Variants in SPEM3 observed in about 807,000 individuals in gnomAD.
The protein encoded by SPEM3 is SPEM family member 3.
chr17:7,432,800 G>T lies in SPEM3; in HGVS notation c.*38G>T. The T allele has an allele frequency of 2.5e-6, 1 of 398,368 alleles. No individual in the cohort carries two copies. Among genetic ancestry groups the T allele is most frequent in the South Asian group, 1.3e-4 (1 of 7,576 alleles). The allele number at this position is 398,368 out of a possible 1,614,324, so 24.7% of individuals were successfully genotyped here. On this transcript the variant is annotated 3_prime_UTR_variant, in exon 3 of 3. Coordinates refer to ENST00000636696, the MANE Select transcript of SPEM3 (RefSeq NM_001364708.1). This position sits in a 1 kb window ranked among gnomAD's most constrained non-coding sequence, Gnocchi z 4.1. ...ACAAAGAGGGGACAAAAGTGCATCA[G>T]GAATAAAGAGGCGAGAGAAATGTTC...
In SPEM3 at chr17:7,432,260, A is replaced by G. The variant is rs1006939899; in HGVS notation, c.3089A>G (p.Asp1030Gly). The stretch of plus-strand genomic sequence containing the variant: ...AACCCAAGCCCTGCCCTAGGTTCTG[A>G]TTTTGTCCAGCTTTTGTCCCTGCTT... ...YKNPSPALGSDFVQLLSLLQT... is the reference protein window; with the variant it reads ...YKNPSPALGSGFVQLLSLLQT... The change falls in exon 3 of 3, where the codon GAT becomes GGT. Residue 1030 changes from aspartate (D) to glycine (G), a missense_variant. By Grantham distance (94) the Asp-to-Gly change is moderately conservative. Coordinates refer to ENST00000636696, the MANE Select transcript of SPEM3 (RefSeq NM_001364708.1). This position sits in a 1 kb window ranked among gnomAD's most constrained non-coding sequence, Gnocchi z 4.1. 2.8e-5 allele frequency: 11 copies of G among 398,542 alleles called. No individual in the cohort carries two copies. The highest frequency in any genetic ancestry group is 4.4e-5 in the Non-Finnish European group (10 of 226,170). 24.7% of individuals were successfully genotyped at this position (398,542 alleles called of 1,614,324 possible). A position where few individuals can be genotyped will look rare whatever the true frequency, so the allele number is the denominator to read the frequency against.
Position 7,429,501 on chromosome 17 carries a change from CT to C in SPEM3, c.331del (p.Trp111GlyfsTer38), listed in dbSNP as rs1907757528. ...TCAGGCGCGTTAACCACCTTGACTC[CT>C]GGATACCAGACACGAACGATGAGAA... ...LLRRVNHLDS[W>X]IPDTNDEKVS... On this transcript the variant is annotated frameshift_variant, in exon 3 of 3. Coordinates refer to ENST00000636696, the MANE Select transcript of SPEM3 (RefSeq NM_001364708.1). LOFTEE classifies it low-confidence loss of function (END_TRUNC). This position sits in a 1 kb window ranked among gnomAD's most constrained non-coding sequence, Gnocchi z 4.9. 7 of 398,666 alleles carry C rather than the reference CT, an allele frequency of 1.8e-5. No individual in the cohort carries two copies. The East Asian group carries it at 2.5e-4, about 14-fold the overall frequency. 24.7% of individuals were successfully genotyped at this position (398,666 alleles called of 1,614,324 possible). A position where few individuals can be genotyped will look rare whatever the true frequency, so the allele number is the denominator to read the frequency against.
In SPEM3 at chr17:7,431,515, C is replaced by T. The variant is rs1907832700; in HGVS notation, c.2344C>T (p.Leu782Phe). The change falls in exon 3 of 3, where the codon CTC becomes TTC. Residue 782 changes from leucine to phenylalanine, a missense_variant. Leu to Phe is a conservative substitution (Grantham distance 22). Transcript: ENST00000636696. ...CCCATGTCTCACCCAATCCCCTGGC[C>T]TCCACAAGAAAACACCATTTACCCA... ...RSPCLTQSPGLHKKTPFTQTS... is the reference protein window; with the variant it reads ...RSPCLTQSPGFHKKTPFTQTS... The T allele has an allele frequency of 7.5e-6, 3 of 398,468 alleles. No homozygotes were observed. The highest frequency in any genetic ancestry group is 8.8e-6 in the Non-Finnish European group (2 of 226,076). 24.7% of individuals were successfully genotyped at this position (398,468 alleles called of 1,614,324 possible). A position where few individuals can be genotyped will look rare whatever the true frequency, so the allele number is the denominator to read the frequency against.
At position 7,432,279 on chromosome 17, in the gene SPEM3, C is replaced by T. The variant is rs117713262; in HGVS notation, c.3108C>T (p.Ser1036=). The T allele has an allele frequency of 0.015, 5,913 of 398,742 alleles. 78 individuals carry two copies. Among genetic ancestry groups the T allele is most frequent in the Non-Finnish European group, 0.017 (3,748 of 226,176 alleles). 24.7% of individuals were successfully genotyped at this position (398,742 alleles called of 1,614,324 possible). ...GTTCTGATTTTGTCCAGCTTTTGTC[C>T]CTGCTTCAGACCCCAAAGTCCACAC... The part of the protein sequence containing the change: ...ALGSDFVQLL[S]LLQTPKSTLS... Residue 1036 remains serine, a synonymous_variant, in exon 3 of 3, where the codon TCC becomes TCT. Transcript: ENST00000636696. This position sits in a 1 kb window ranked among gnomAD's most constrained non-coding sequence, Gnocchi z 4.1.
rs529514144 is a variant in SPEM3, at chr17:7,429,622, G to C, written c.451G>C (p.Gly151Arg). 1.5e-3 allele frequency: 609 copies of C among 398,756 alleles called. 8 individuals carry two copies. Among genetic ancestry groups the C allele is most frequent in the African/African-American group, 0.011 (552 of 48,648 alleles). 24.7% of individuals were successfully genotyped at this position (398,756 alleles called of 1,614,324 possible). A position where few individuals can be genotyped will look rare whatever the true frequency, so the allele number is the denominator to read the frequency against. ...ACTGTACAAGGCGGGGATGATGGGC[G>C]GGGGAGAAGCCCCTCAGGTCACAGC... is the stretch of plus-strand genomic sequence containing the variant. ...RGLYKAGMMGGGEAPQVTASK... is the reference protein window; with the variant it reads ...RGLYKAGMMGRGEAPQVTASK... The change falls in exon 3 of 3, where the codon GGG (glycine) becomes CGG (arginine). Residue 151 changes from glycine to arginine, a missense_variant. Coordinates refer to ENST00000636696, the MANE Select transcript of SPEM3 (RefSeq NM_001364708.1). The surrounding 1 kb of genome is among the most constrained non-coding windows in gnomAD (Gnocchi z 4.9).
In SPEM3 at chr17:7,431,856, C is replaced by A. The variant is rs776553822; in HGVS notation, c.2685C>A (p.Gly895=). Reference sequence around the variant, plus strand: ...AATCTTTTCTCCACAAGAGCCCAGGCCTTGTCCAAACCTCTGGCCTCCCAA... The same window carrying A: ...AATCTTTTCTCCACAAGAGCCCAGGACTTGTCCAAACCTCTGGCCTCCCAA... ...IQESFLHKSP[G]LVQTSGLPKC... is the part of the protein sequence containing the mutation. The change falls in exon 3 of 3, where the codon GGC becomes GGA. Residue 895 remains glycine, a synonymous_variant. Coordinates refer to ENST00000636696, the MANE Select transcript of SPEM3 (RefSeq NM_001364708.1). The A allele has an allele frequency of 1.5e-5, 6 of 398,502 alleles. No individual in the cohort carries two copies. Among genetic ancestry groups the A allele is most frequent in the Non-Finnish European group, 2.2e-5 (5 of 226,090 alleles). The allele number at this position is 398,502 out of a possible 1,614,324, so 24.7% of individuals were successfully genotyped here.
Position 7,432,157 on chromosome 17 carries a change from C to T in SPEM3, c.2986C>T (p.Pro996Ser), listed in dbSNP as rs1907851594. 2.5e-6 allele frequency: 1 copy of T among 398,662 alleles called. No individual in the cohort carries two copies. The highest frequency in any genetic ancestry group is 4.4e-6 in the Non-Finnish European group (1 of 226,092). 24.7% of individuals were successfully genotyped at this position (398,662 alleles called of 1,614,324 possible). Residue 996 changes from proline (P) to serine (S), a missense_variant, in exon 3 of 3, where the codon CCC becomes TCC. Physicochemically the swap from Pro to Ser is moderately conservative, Grantham distance 74. Coordinates refer to ENST00000636696, the MANE Select transcript of SPEM3 (RefSeq NM_001364708.1). This position sits in a 1 kb window ranked among gnomAD's most constrained non-coding sequence, Gnocchi z 4.1. Reference sequence around the variant, plus strand: ...AGCCCTTGTCCAAGACTCTGGCCTCCCCAAGATTTCAGGCCTTACCCAGGA... The same window carrying T: ...AGCCCTTGTCCAAGACTCTGGCCTCTCCAAGATTTCAGGCCTTACCCAGGA... ...DPALVQDSGLPKISGLTQESG... is the reference protein window; with the variant it reads ...DPALVQDSGLSKISGLTQESG...
chr17:7,430,173 T>C lies in SPEM3; in HGVS notation c.1002T>C (p.Ala334=). The C allele has an allele frequency of 2.5e-6, 1 of 407,170 alleles. No homozygotes were observed. Among genetic ancestry groups the C allele is most frequent in the Non-Finnish European group, 4.3e-6 (1 of 233,500 alleles). The allele number at this position is 407,170 out of a possible 1,614,324, so 25.2% of individuals were successfully genotyped here. ...CCTCAGCCCACTCCCCAGCCCAGGC[T>C]CCTATGCCTGTCCCAGCCCACCCCC... The part of the protein sequence containing the change: ...EHTSAHSPAQ[A]PMPVPAHPQA... The change falls in exon 3 of 3, where the codon GCT becomes GCC. Residue 334 remains alanine (A), a synonymous_variant. Transcript: ENST00000636696.
In SPEM3 at chr17:7,431,661, C is replaced by T. The variant is rs1907836327; in HGVS notation, c.2490C>T (p.His830=). The T allele has an allele frequency of 7.5e-6, 3 of 398,588 alleles. No homozygotes were observed. Among genetic ancestry groups the T allele is most frequent in the Non-Finnish European group, 1.3e-5 (3 of 226,060 alleles). The allele number at this position is 398,588 out of a possible 1,614,324, so 24.7% of individuals were successfully genotyped here. A position where few individuals can be genotyped will look rare whatever the true frequency, so the allele number is the denominator to read the frequency against. The change falls in exon 3 of 3, where the codon CAC becomes CAT. Residue 830 remains histidine, a synonymous_variant. Coordinates refer to ENST00000636696, the MANE Select transcript of SPEM3 (RefSeq NM_001364708.1). Reference sequence around the variant, plus strand: ...AAGATCTCTCCCAAGCAACTGACCACCAAAAGAACCTAGGCTCTTCTAAAG... The same window carrying T: ...AAGATCTCTCCCAAGCAACTGACCATCAAAAGAACCTAGGCTCTTCTAAAG... ...KNQDLSQATD[H]QKNLGSSKDS... is the part of the protein sequence containing the mutation.
rs972850647 is a variant in SPEM3 at position 7,428,922 on chromosome 17, A to C, written c.20A>C (p.His7Pro). Residue 7 changes from histidine to proline, a missense_variant, in exon 1 of 3, where the codon CAT becomes CCT. His to Pro is a moderately conservative substitution (Grantham distance 77). Coordinates refer to ENST00000636696, the MANE Select transcript of SPEM3 (RefSeq NM_001364708.1). ...CAGGCCATGGGTGAGCGAGCCTATCATGGGGCCCAGGTGTGCTCTGGCACC... is the reference window on the plus strand; with the variant it reads ...CAGGCCATGGGTGAGCGAGCCTATCCTGGGGCCCAGGTGTGCTCTGGCACC... MGERAY[H>P]GAQVCSGTNP... 1.4e-4 allele frequency: 55 copies of C among 398,594 alleles called. No individual in the cohort carries two copies. Among genetic ancestry groups the C allele is most frequent in the Non-Finnish European group, 1.5e-4 (33 of 226,092 alleles). The allele number at this position is 398,594 out of a possible 1,614,324, so 24.7% of individuals were successfully genotyped here.
rs993801876 is a variant in SPEM3, at chr17:7,429,408, C to T, written c.237C>T (p.Ser79=). 3.3e-5 allele frequency: 13 copies of T among 398,514 alleles called. 1 individual carries two copies. The highest frequency in any genetic ancestry group is 2.6e-4 in the Admixed American group (6 of 22,712). The allele number at this position is 398,514 out of a possible 1,614,324, so 24.7% of individuals were successfully genotyped here. The change falls in exon 3 of 3, where the codon TCC becomes TCT. Residue 79 remains serine (S), a synonymous_variant. Transcript: ENST00000636696. The surrounding 1 kb of genome is among the most constrained non-coding windows in gnomAD (Gnocchi z 4.9). ...PSGSHPICIC[S]SVDPKNLCSK... ...GCAGCCATCCCATATGTATTTGCTC[C>T]TCCGTGGATCCCAAGAACCTGTGCT...
At position 7,429,980 on chromosome 17, in the gene SPEM3, C is replaced by T; in HGVS notation, c.809C>T (p.Ala270Val). The change falls in exon 3 of 3, where the codon GCC becomes GTC. Residue 270 changes from alanine (A) to valine (V), a missense_variant. By Grantham distance (64) the Ala-to-Val change is moderately conservative. Transcript: ENST00000636696. The surrounding 1 kb of genome is among the most constrained non-coding windows in gnomAD (Gnocchi z 4.9). ...TSAQAQAHTS[A>V]PTPAQTPAHI... ...GCCCAGGCCCAAGCCCACACCTCAG[C>T]CCCTACCCCAGCTCAGACGCCAGCC... is the stretch of plus-strand genomic sequence containing the variant. The T allele has an allele frequency of 2.4e-6, 1 of 423,826 alleles. No individual in the cohort carries two copies. The highest frequency in any genetic ancestry group is 3.5e-5 in the East Asian group (1 of 28,322). 26.3% of individuals were successfully genotyped at this position (423,826 alleles called of 1,614,324 possible).
Position 7,432,801 on chromosome 17 carries a change from G to A in SPEM3, c.*39G>A. 2.5e-6 allele frequency: 1 copy of A among 398,364 alleles called. No individual in the cohort carries two copies. The highest frequency in any genetic ancestry group is 4.4e-6 in the Non-Finnish European group (1 of 226,082). 24.7% of individuals were successfully genotyped at this position (398,364 alleles called of 1,614,324 possible). The stretch of plus-strand genomic sequence containing the variant: ...CAAAGAGGGGACAAAAGTGCATCAG[G>A]AATAAAGAGGCGAGAGAAATGTTCT... On this transcript the variant is annotated 3_prime_UTR_variant, in exon 3 of 3. Coordinates refer to ENST00000636696, the MANE Select transcript of SPEM3 (RefSeq NM_001364708.1). This position sits in a 1 kb window ranked among gnomAD's most constrained non-coding sequence, Gnocchi z 4.1.
At position 7,431,950 on chromosome 17, in the gene SPEM3, C is replaced by T; in HGVS notation, c.2779C>T (p.His927Tyr). Residue 927 changes from histidine (H) to tyrosine (Y), a missense_variant, in exon 3 of 3, where the codon CAC becomes TAC. His to Tyr is a moderately conservative substitution (Grantham distance 83). Coordinates refer to ENST00000636696, the MANE Select transcript of SPEM3 (RefSeq NM_001364708.1). ...NPGLIQDCGG[H>Y]KVKGLTQDSN... ...AGGACTTATCCAAGATTGTGGTGGCCACAAAGTTAAAGGCCTTACTCAAGA... is the reference window on the plus strand; with the variant it reads ...AGGACTTATCCAAGATTGTGGTGGCTACAAAGTTAAAGGCCTTACTCAAGA... The T allele has an allele frequency of 2.5e-6, 1 of 398,424 alleles. No homozygotes were observed. The highest frequency in any genetic ancestry group is 4.4e-6 in the Non-Finnish European group (1 of 226,048). 24.7% of individuals were successfully genotyped at this position (398,424 alleles called of 1,614,324 possible). A position where few individuals can be genotyped will look rare whatever the true frequency, so the allele number is the denominator to read the frequency against.
chr17:7,429,382 G>T lies in SPEM3; in HGVS notation c.211G>T (p.Gly71Cys), dbSNP rs541726577. 2.5e-5 allele frequency: 10 copies of T among 398,508 alleles called. No homozygotes were observed. In the Admixed American group the frequency reaches 2.6e-4, roughly 11 times the overall value. 24.7% of individuals were successfully genotyped at this position (398,508 alleles called of 1,614,324 possible). A position where few individuals can be genotyped will look rare whatever the true frequency, so the allele number is the denominator to read the frequency against. The change falls in exon 3 of 3, where the codon GGC becomes TGC. Residue 71 changes from glycine (G) to cysteine (C), a missense_variant. Coordinates refer to ENST00000636696, the MANE Select transcript of SPEM3 (RefSeq NM_001364708.1). This position sits in a 1 kb window ranked among gnomAD's most constrained non-coding sequence, Gnocchi z 4.9. ...TCTCCCTGCAGACAAGCAGCCCAGC[G>T]GCAGCCATCCCATATGTATTTGCTC... ...HFFPKDKQPS[G>C]SHPICICSSV...
In SPEM3 at chr17:7,428,892, G is replaced by C. The variant is rs1411165628; in HGVS notation, c.-11G>C. The C allele has an allele frequency of 5.0e-6, 2 of 398,594 alleles. No individual in the cohort carries two copies. The highest frequency in any genetic ancestry group is 4.1e-5 in the African/African-American group (2 of 48,634). The allele number at this position is 398,594 out of a possible 1,614,324, so 24.7% of individuals were successfully genotyped here. ...GGGCCGGGGGCCTAGGCAGTCCTGGGACCCCAGGCCATGGGTGAGCGAGCC... is the reference window on the plus strand; with the variant it reads ...GGGCCGGGGGCCTAGGCAGTCCTGGCACCCCAGGCCATGGGTGAGCGAGCC... On this transcript the variant is annotated 5_prime_UTR_variant, in exon 1 of 3. Coordinates refer to ENST00000636696, the MANE Select transcript of SPEM3 (RefSeq NM_001364708.1).
Position 7,430,443 on chromosome 17 carries a change from C to A in SPEM3, c.1272C>A (p.Thr424=). ...CTGTCCCTGATCCTGTCCCTGCCACCACCCCTGCCCCTATCATAACTCCTA... is the reference window on the plus strand; with the variant it reads ...CTGTCCCTGATCCTGTCCCTGCCACAACCCCTGCCCCTATCATAACTCCTA... ...TTPVPDPVPA[T]TPAPIITPIP... is the part of the protein sequence containing the mutation. The change falls in exon 3 of 3, where the codon ACC becomes ACA. Residue 424 remains threonine, a synonymous_variant. Coordinates refer to ENST00000636696, the MANE Select transcript of SPEM3 (RefSeq NM_001364708.1). The A allele has an allele frequency of 2.5e-6, 1 of 403,336 alleles. No individual in the cohort carries two copies. The highest frequency in any genetic ancestry group is 4.4e-6 in the Non-Finnish European group (1 of 229,132). The allele number at this position is 403,336 out of a possible 1,614,324, so 25.0% of individuals were successfully genotyped here.
Position 7,430,533 on chromosome 17 carries a change from C to A in SPEM3, c.1362C>A (p.Arg454=). 1 of 398,930 alleles carries A rather than the reference C, an allele frequency of 2.5e-6. No homozygotes were observed. The highest frequency in any genetic ancestry group is 3.6e-5 in the East Asian group (1 of 28,086). 24.7% of individuals were successfully genotyped at this position (398,930 alleles called of 1,614,324 possible). A position where few individuals can be genotyped will look rare whatever the true frequency, so the allele number is the denominator to read the frequency against. The change falls in exon 3 of 3, where the codon CGC becomes CGA. Residue 454 remains arginine, a synonymous_variant. Transcript: ENST00000636696. Reference sequence around the variant, plus strand: ...CTGGCCATGTGGTCTATGATGCCCGCAGGGAAAAGCAGAATTTCTTCCATA... The same window carrying A: ...CTGGCCATGTGGTCTATGATGCCCGAAGGGAAAAGCAGAATTTCTTCCATA... ...LSTGHVVYDA[R]REKQNFFHMS... is the part of the protein sequence containing the mutation.
Position 7,430,497 on chromosome 17 carries a change from T to C in SPEM3, c.1326T>C (p.His442=), listed in dbSNP as rs1314184549. 5.0e-6 allele frequency: 2 copies of C among 399,372 alleles called. No homozygotes were observed. The highest frequency in any genetic ancestry group is 3.6e-5 in the East Asian group (1 of 28,086). 24.7% of individuals were successfully genotyped at this position (399,372 alleles called of 1,614,324 possible). ...CCTCTACCCCACCTGCCTTCAGCCATGACCTCTCCACTGGCCATGTGGTCT... is the reference window on the plus strand; with the variant it reads ...CCTCTACCCCACCTGCCTTCAGCCACGACCTCTCCACTGGCCATGTGGTCT... ...PIPSTPPAFS[H]DLSTGHVVYD... The change falls in exon 3 of 3, where the codon CAT becomes CAC. Residue 442 remains histidine, a synonymous_variant. Transcript: ENST00000636696.
Sources: allele counts gnomAD v4.1 joint callset, GRCh38; gene constraint gnomAD v4.1.1; non-coding constraint Gnocchi (gnomAD v3.1); transcripts MANE v1.5; gene names NCBI Gene and HGNC (gene_info 2026-07-23, HGNC 2026-07-21).